Variants in HDAC8 observed in about 807,000 individuals in gnomAD.
HDAC8 encodes the protein histone deacetylase 8.
A neutral mutation model predicts 32.2 loss-of-function variants in HDAC8; 1 was observed. The observed-to-expected ratio is 0.03, with a 90% CI of 0.01 to 0.15. The LOEUF is 0.15. Ranked by LOEUF, HDAC8 falls within the 10% of genes least tolerant of loss-of-function variation. The pLI is 1.00. For missense variants in HDAC8, 117 were observed against 300.0 expected, an observed-to-expected ratio of 0.39 and a Z score of 4.51; for synonymous variants, 108 against 113.9, an observed-to-expected ratio of 0.95 and a Z score of 0.33.
chrX:72,531,633 C>T (rs1398017266), intron 4 of HDAC8, among the ~76,000 whole-genome samples: 2 of 111,781 alleles, frequency 1.8e-5, no homozygotes, highest in Non-Finnish European at 3.8e-5. Context: ...TCTCCTGAAC[C>T]CCCCAAGGCT....
At chrX:72,364,351 C>A (rs1416658844) in intron 9 of HDAC8, among the ~76,000 whole-genome samples, 1 of 111,264 alleles carries the variant, frequency 9.0e-6, no homozygotes, top group Non-Finnish European at 1.9e-5. Flanking sequence ...GAGTTCGCGC[C>A]CTCTGTTGGT....
chrX:72,333,441 C>T (rs948044345), intron 10 of HDAC8, among the ~76,000 whole-genome samples: 1 of 112,034 alleles, frequency 8.9e-6, no homozygotes, highest in African/African-American at 3.2e-5. Flanking sequence ...GTAATCCCAG[C>T]GCTCTGGGAG....
chrX:72,369,302 G>A (rs781898640), intron 9 of HDAC8, among the ~76,000 whole-genome samples: 2 of 111,059 alleles, frequency 1.8e-5, no homozygotes, highest in Non-Finnish European at 3.8e-5. Flanking sequence ...TTCTTTTTCC[G>A]GTTCTGCTAA....
chrX:72,487,405 A>C (rs1381992960), intron 7 of HDAC8, among the ~76,000 whole-genome samples: 1 of 111,672 alleles, frequency 9.0e-6, no homozygotes, highest in Non-Finnish European at 1.9e-5. Flanking sequence ...GGGGGTGGGC[A>C]CTGGAAAATC....
chrX:72,372,514 C>T (rs1048053105), intron 9 of HDAC8, among the ~76,000 whole-genome samples: 2 of 111,310 alleles, frequency 1.8e-5, no homozygotes, highest in African/African-American at 3.3e-5. Context: ...TCTAGCAGAA[C>T]ATCAGAGACT....
At chrX:72,556,940 G>C (rs1271171310) in intron 4 of HDAC8, among the ~76,000 whole-genome samples, 1 of 112,141 alleles carries the variant, frequency 8.9e-6, no homozygotes, top group Non-Finnish European at 1.9e-5. Flanking sequence ...ACCCAGGCTG[G>C]GCGCGGTGGC....
At chrX:72,509,102 T>C (rs950770063) in intron 4 of HDAC8, among the ~76,000 whole-genome samples, 2 of 107,009 alleles carry the variant, frequency 1.9e-5, no homozygotes, top group African/African-American at 7.3e-5. Context: ...TACCCTCTTA[T>C]CAATTTTTTT....
intron 6 of HDAC8, among the ~76,000 whole-genome samples, chrX:72,489,688 A>G (rs1556008102): frequency 9.0e-6 from 1 of 111,092 alleles, no homozygotes; most frequent in East Asian, 2.8e-4. Flanking sequence ...GGACATAGGC[A>G]TGGGCAAGGA....
intron 9 of HDAC8, among the ~76,000 whole-genome samples, chrX:72,435,378 T>C (rs1006338153): frequency 1.8e-5 from 2 of 110,991 alleles, no homozygotes; most frequent in Non-Finnish European, 3.8e-5. Context: ...AATTCCTTAA[T>C]TATACCAAGA....
chrX:72,564,799 C>T (rs145227446), intron 4 of HDAC8, among the ~76,000 whole-genome samples: 1,378 of 112,089 alleles, frequency 0.012, 28 homozygotes, highest in African/African-American at 0.042. Flanking sequence ...GTTTTCATTA[C>T]TGTAGTTTTG....
chrX:72,572,599 G>GGGCCCCCC, intron 1 of HDAC8, 52 bp downstream of exon 1: 1 of 453,099 alleles, frequency 2.2e-6, no homozygotes, highest in East Asian at 4.7e-5. Flanking sequence ...TTCGTCCACC[G>GGGCCCCCC]CCCCCACCCC....
intron 6 of HDAC8, among the ~76,000 whole-genome samples, chrX:72,490,605 G>A (rs782656266): frequency 1.3e-5 from 1 of 78,352 alleles, no homozygotes; most frequent in South Asian, 1.1e-3. Context: ...GACTGTTGCG[G>A]GGTGGGGGGA....
intron 4 of HDAC8, among the ~76,000 whole-genome samples, chrX:72,531,430 G>A (rs1226835994): frequency 8.9e-6 from 1 of 111,782 alleles, no homozygotes; most frequent in Admixed American, 9.5e-5. Flanking sequence ...AAAATAGAAA[G>A]GTGATTATTC....
intron 9 of HDAC8, among the ~76,000 whole-genome samples, chrX:72,443,635 C>G (rs1258121647): frequency 9.1e-6 from 1 of 109,906 alleles, no homozygotes; most frequent in African/African-American, 3.4e-5. Flanking sequence ...ACTAGAAAAG[C>G]AAGAGCAAAC....
At chrX:72,425,352 TTC>T (rs1311775415) in intron 9 of HDAC8, among the ~76,000 whole-genome samples, 2 of 112,034 alleles carry the variant, frequency 1.8e-5, no homozygotes, top group Non-Finnish European at 3.8e-5. Context: ...TTTTCTAGAG[TTC>T]TGTTCTGACA....
Position 72,459,268 on chromosome X carries a change from C to A in HDAC8, c.1005+2736G>T, listed in dbSNP as rs192583551. 1.2e-3 allele frequency among the ~76,000 whole-genome samples: 139 copies of A among 111,208 alleles called. 2 individuals carry two copies. Among genetic ancestry groups the A allele is most frequent in the African/African-American group, 4.2e-3 (128 of 30,536 alleles). ...GGCCTGGCAAATAGTAGGGGCCCAACACATAATTGTTAAATGAAACAAGGA... is the reference window on the plus strand; with the variant it reads ...GGCCTGGCAAATAGTAGGGGCCCAAAACATAATTGTTAAATGAAACAAGGA... On this transcript the variant is annotated intron_variant, in intron 9 of 10. Transcript: ENST00000373573.
chrX:72,355,323 G>A (rs1172366831), intron 9 of HDAC8, among the ~76,000 whole-genome samples: 1 of 112,335 alleles, frequency 8.9e-6, no homozygotes, highest in Admixed American at 9.4e-5. Context: ...TCCCAGACAG[G>A]TGGAGCAGGG....
chrX:72,383,779 A>G (rs1199354630), intron 9 of HDAC8, among the ~76,000 whole-genome samples: 1 of 104,820 alleles, frequency 9.5e-6, no homozygotes, highest in East Asian at 3.1e-4. Flanking sequence ...CTGAGGCAGG[A>G]GAATGGTGTG....
At chrX:72,572,421 C>A (rs782391346) in intron 1 of HDAC8, 2 of 412,750 alleles carry the variant, frequency 4.8e-6, no homozygotes, top group Admixed American at 9.1e-5. Context: ...CTCCGTACCC[C>A]CTCCCCCACT....
Sources: gnomAD v4.1 joint callset for allele counts (sites outside exome capture counted in the v4.1 genomes callset) on GRCh38, gnomAD v4.1.1 for gene constraint, MANE v1.5 for transcripts, NCBI Gene and HGNC (gene_info 2026-07-23, HGNC 2026-07-21) for gene names.